The following NKIRAS1 variants were observed in gnomAD, a reference collection of about 807,000 sequenced individuals.
The protein encoded by NKIRAS1 is NFKB inhibitor interacting Ras like 1.
In NKIRAS1, 16 loss-of-function variants were observed where a neutral mutation model predicts 19.8. The observed-to-expected ratio is 0.81, with a 90% CI of 0.55 to 1.23. The LOEUF (loss-of-function observed/expected upper bound fraction) is 1.23. Among genes scored for constraint, NKIRAS1 ranks in the 50% most tolerant of loss-of-function variants. NKIRAS1 has a pLI of 0.00. For synonymous variants in NKIRAS1, 88 were observed against 79.0 expected, an observed-to-expected ratio of 1.11 and a Z score of -0.61; for missense variants, 184 against 220.0, an observed-to-expected ratio of 0.84 and a Z score of 1.04.
upstream of NKIRAS1, chr3:23,919,755 G>GTATA: frequency 2.5e-6 from 3 of 1,211,358 alleles, no homozygotes; most frequent in Middle Eastern, 3.3e-4. Flanking sequence ...ATACTGTGTG[G>GTATA]TATAACAGGC....
chr3:23,935,019 T>A (rs1389268510), intron 1 of NKIRAS1, among the ~76,000 whole-genome samples: 2 of 152,196 alleles, frequency 1.3e-5, no homozygotes, highest in African/African-American at 4.8e-5. Flanking sequence ...TTTCCCTTTG[T>A]ACCTTGAAGG....
At chr3:23,920,882 C>A, upstream of NKIRAS1, 1 of 640,564 alleles carries the variant, frequency 1.6e-6, no homozygotes, top group Non-Finnish European at 1.9e-6. Context: ...TCTTACAGTG[C>A]TAATGTACTT....
intron 1 of NKIRAS1, among the ~76,000 whole-genome samples, chr3:23,937,942 T>C (rs1705426450): frequency 6.6e-6 from 1 of 152,138 alleles, no homozygotes. Context: ...CGAAAAGATA[T>C]TAGATATTAT....
intron 3 of NKIRAS1, among the ~76,000 whole-genome samples, chr3:23,905,405 T>C (rs566461800): frequency 5.5e-4 from 84 of 152,336 alleles, no homozygotes; most frequent in African/African-American, 1.9e-3. Flanking sequence ...TTAAACCATA[T>C]ATGCAATGCT....
At chr3:23,937,891 A>G (rs530305385) in intron 1 of NKIRAS1, among the ~76,000 whole-genome samples, 2 of 152,262 alleles carry the variant, frequency 1.3e-5, no homozygotes, top group East Asian at 3.9e-4. Flanking sequence ...CATTACATGT[A>G]GACATAACCC....
intron 1 of NKIRAS1, among the ~76,000 whole-genome samples, chr3:23,940,528 A>T (rs935419529): frequency 6.6e-6 from 1 of 152,116 alleles, no homozygotes; most frequent in Non-Finnish European, 1.5e-5. Context: ...CACATCACTG[A>T]TCTTGTTGGT....
chr3:23,918,144 C>G, upstream of NKIRAS1: 1 of 1,327,780 alleles, frequency 7.5e-7, no homozygotes, highest in Non-Finnish European at 1.0e-6. Context: ...AGGGCTTTGG[C>G]AGAAAAAAGC....
upstream of NKIRAS1, chr3:23,921,572 T>G (rs1380010450): frequency 2.7e-5 from 8 of 294,192 alleles, no homozygotes; most frequent in East Asian, 7.4e-5. Flanking sequence ...ATTATTGAGT[T>G]TTTTTTTTTT....
intron 1 of NKIRAS1, among the ~76,000 whole-genome samples, chr3:23,937,194 T>A (rs374738890): frequency 0.059 from 8,965 of 151,690 alleles, 324 homozygotes; most frequent in Middle Eastern, 0.099. Flanking sequence ...GCCTGGCCAA[T>A]GTGGCGAAAC....
chr3:23,918,721 T>A, upstream of NKIRAS1: 1 of 956,702 alleles, frequency 1.0e-6, no homozygotes, highest in Non-Finnish European at 1.5e-6. Context: ...TGGTGAAGAG[T>A]AATTGCTTGA....
chr3:23,941,959 C>T (rs1199303086), intron 1 of NKIRAS1, among the ~76,000 whole-genome samples: 1 of 144,700 alleles, frequency 6.9e-6, no homozygotes, highest in African/African-American at 2.6e-5. Context: ...TTTAAATAGT[C>T]TTTATTTATT....
intron 3 of NKIRAS1, among the ~76,000 whole-genome samples, chr3:23,907,463 C>CGAGA (rs1703189935): frequency 6.6e-6 from 1 of 152,194 alleles, no homozygotes; most frequent in East Asian, 1.9e-4. Flanking sequence ...CAGCAGCTCT[C>CGAGA]CAACTGTGGT....
In NKIRAS1 at chr3:23,890,831, A is replaced by T. The variant is rs1295968550; in HGVS notation, c.*2264T>A. The T allele has an allele frequency of 2.4e-6, 1 of 410,744 alleles. No individual in the cohort carries two copies. Among genetic ancestry groups the T allele is most frequent in the Non-Finnish European group, 4.3e-6 (1 of 232,402 alleles). 25.4% of individuals were successfully genotyped at this position (410,744 alleles called of 1,614,324 possible). A position where few individuals can be genotyped will look rare whatever the true frequency, so the allele number is the denominator to read the frequency against. On this transcript the variant is annotated 3_prime_UTR_variant, in exon 5 of 5. Coordinates refer to ENST00000425478, the MANE Select transcript of NKIRAS1 (RefSeq NM_020345.4). ...AAATTGTCATTAGTTCTGCAATATT[A>T]GCTGAAATGTAGTACAGAAAAGAAT... is the stretch of plus-strand genomic sequence containing the variant.
chr3:23,896,336 C>T (rs972102189), intron 4 of NKIRAS1, among the ~76,000 whole-genome samples: 3 of 151,936 alleles, frequency 2.0e-5, no homozygotes, highest in African/African-American at 4.8e-5. Flanking sequence ...AACAAACGGC[C>T]GGGCATGGTG....
chr3:23,913,040 C>CAAAAA (rs1169515621), intron 1 of NKIRAS1, among the ~76,000 whole-genome samples: 12 of 47,632 alleles, frequency 2.5e-4, no homozygotes, highest in Middle Eastern at 0.022. Context: ...GACTCCGTCT[C>CAAAAA]AAAAAAAAAA....
At chr3:23,909,467 C>T (rs1167924398) in intron 3 of NKIRAS1, among the ~76,000 whole-genome samples, 3 of 152,212 alleles carry the variant, frequency 2.0e-5, no homozygotes, top group Non-Finnish European at 4.4e-5. Context: ...GCGGAAGTTG[C>T]AGTGAGCCGA....
chr3:23,910,446 T>C (rs1703584287), intron 3 of NKIRAS1, among the ~76,000 whole-genome samples: 2 of 152,216 alleles, frequency 1.3e-5, no homozygotes, highest in Non-Finnish European at 2.9e-5. Context: ...TGAGCCACCA[T>C]GCCCACTGGA....
chr3:23,899,687 G>C (rs1353880497), intron 4 of NKIRAS1, among the ~76,000 whole-genome samples: 2 of 152,230 alleles, frequency 1.3e-5, no homozygotes, highest in African/African-American at 2.4e-5. Context: ...GTGAGAGACA[G>C]GCAGATAATA....
chr3:23,906,925 G>A (rs1019210358), intron 3 of NKIRAS1, among the ~76,000 whole-genome samples: 3 of 151,578 alleles, frequency 2.0e-5, no homozygotes, highest in African/African-American at 7.3e-5. Context: ...ATACAGTCTC[G>A]CTCTGTTGCC....
Sources: allele counts gnomAD v4.1 joint callset (sites outside exome capture counted in the v4.1 genomes callset), GRCh38; gene constraint gnomAD v4.1.1; transcripts MANE v1.5; gene names NCBI Gene and HGNC (gene_info 2026-07-23, HGNC 2026-07-21).